Variants in DNMT1 observed in about 807,000 individuals in gnomAD.
The protein encoded by DNMT1 is DNA (cytosine-5)-methyltransferase 1.
In DNMT1, 24 loss-of-function variants were observed where a neutral mutation model predicts 205.3. That is an observed-to-expected ratio of 0.12 (90% CI 0.08 to 0.16). The LOEUF (loss-of-function observed/expected upper bound fraction) is 0.16, where lower values mean the gene tolerates loss of function less well. DNMT1 is among the 10% of genes least tolerant of loss of function. DNMT1 has a pLI of 1.00. For synonymous variants in DNMT1, 817 were observed against 839.8 expected (o/e 0.97, Z 0.47); for missense variants, 1,293 against 2,177.7 (o/e 0.59, Z 8.09).
At chr19:10,165,764 A>G (rs2038677974) in intron 11 of DNMT1, among the ~76,000 whole-genome samples, 1 of 152,152 alleles carries the variant, frequency 6.6e-6, no homozygotes, top group Admixed American at 6.5e-5. Flanking sequence ...TTTCCAATAG[A>G]GGGCAGGGAG....
rs940810833 is a variant in DNMT1 at position 10,156,575 on chromosome 19, A to G, written c.1281-66T>C. 3.4e-6 allele frequency: 4 copies of G among 1,164,676 alleles called. No homozygotes were observed. The highest frequency in any genetic ancestry group is 2.4e-5 in the East Asian group (1 of 42,532). 72.1% of individuals were successfully genotyped at this position (1,164,676 alleles called of 1,614,324 possible). Reference sequence around the variant, plus strand: ...GAAGGCGGGTCTTCGTGCAGACTTCAGATCAGGCACGAGGCAATGAGAGAA... The same window carrying G: ...GAAGGCGGGTCTTCGTGCAGACTTCGGATCAGGCACGAGGCAATGAGAGAA... On this transcript the variant is annotated intron_variant, in intron 17 of 40. Coordinates refer to ENST00000359526, the MANE Select transcript of DNMT1 (RefSeq NM_001130823.3). The surrounding 1 kb of genome is among the most constrained non-coding windows in gnomAD (Gnocchi z 4.2).
chr19:10,175,084 T>TACACAC (rs201133845), intron 7 of DNMT1, among the ~76,000 whole-genome samples: 232 of 113,922 alleles, frequency 2.0e-3, no homozygotes, highest in African/African-American at 5.5e-3. Context: ...CATACATACA[T>TACACAC]ACACACACAC....
chr19:10,152,910 G>A (rs2038379090), intron 22 of DNMT1, among the ~76,000 whole-genome samples: 3 of 148,532 alleles, frequency 2.0e-5, no homozygotes, highest in Non-Finnish European at 4.4e-5. Context: ...GACCAGGCAA[G>A]GCAACACAGC....
Position 10,133,637 on chromosome 19 carries a change from G to A in DNMT1, c.*30C>T, listed in dbSNP as rs900322306. On this transcript the variant is annotated 3_prime_UTR_variant, in exon 41 of 41. Transcript: ENST00000359526. This position sits in a 1 kb window ranked among gnomAD's most constrained non-coding sequence, Gnocchi z 4.1. Reference sequence around the variant, plus strand: ...TCAGTGCATGTTGGGGATTCCTGGTGCCAGAAACAGGGGTGACGGGAGGGC... The same window carrying A: ...TCAGTGCATGTTGGGGATTCCTGGTACCAGAAACAGGGGTGACGGGAGGGC... The A allele has an allele frequency of 6.3e-7, 1 of 1,592,614 alleles. No individual in the cohort carries two copies. The highest frequency in any genetic ancestry group is 8.6e-7 in the Non-Finnish European group (1 of 1,168,452).
At chr19:10,161,630 T>G (rs1439275457) in intron 13 of DNMT1, among the ~76,000 whole-genome samples, 1 of 152,022 alleles carries the variant, frequency 6.6e-6, no homozygotes, top group Admixed American at 6.6e-5. Flanking sequence ...TCGACAAGAG[T>G]GAGACCCTGT....
chr19:10,141,202 G>A lies in DNMT1; in HGVS notation c.3310-13C>T, dbSNP rs775100302. ...TTGCATTATAGGCCTGAAAAGGAGA[G>A]AACTGCAATCGTTTGGGAGAGAAAC... On this transcript the variant is annotated splice_polypyrimidine_tract_variant and intron_variant, in intron 30 of 40. Transcript: ENST00000359526. 1.2e-6 allele frequency: 2 copies of A among 1,613,588 alleles called. No homozygotes were observed. Among genetic ancestry groups the A allele is most frequent in the Non-Finnish European group, 1.7e-6 (2 of 1,179,756 alleles).
intron 9 of DNMT1, among the ~76,000 whole-genome samples, chr19:10,170,726 C>T (rs929789371): frequency 2.6e-5 from 4 of 152,170 alleles, no homozygotes; most frequent in African/African-American, 9.7e-5. Flanking sequence ...AAGTAAGGCA[C>T]TCGTCACCTA....
chr19:10,154,867 G>T lies in DNMT1; in HGVS notation c.1644+38C>A, dbSNP rs200288095. 5.0e-6 allele frequency: 8 copies of T among 1,614,234 alleles called. No individual in the cohort carries two copies. Among genetic ancestry groups the T allele is most frequent in the Non-Finnish European group, 5.9e-6 (7 of 1,180,052 alleles). On this transcript the variant is annotated intron_variant, in intron 20 of 40. Transcript: ENST00000359526. This position sits in a 1 kb window ranked among gnomAD's most constrained non-coding sequence, Gnocchi z 6.3. ...TGCTGGTTCTGAAGGCAAGTTTCCA[G>T]TGGGAATCCCGGATGCTGAGGACCC...
chr19:10,189,756 T>C (rs144550107), intron 1 of DNMT1, among the ~76,000 whole-genome samples: 37 of 152,150 alleles, frequency 2.4e-4, no homozygotes, highest in African/African-American at 8.4e-4. Context: ...GAAACCAAAA[T>C]GTGTGTGTGA....
chr19:10,177,552 A>G (rs1052632664), intron 5 of DNMT1, among the ~76,000 whole-genome samples, 185 bp from the exon 6 acceptor site: 4 of 152,174 alleles, frequency 2.6e-5, no homozygotes, highest in Non-Finnish European at 5.9e-5. Flanking sequence ...AGCACCTGCC[A>G]GTTTGTTGAG....
At position 10,151,517 on chromosome 19, in the gene DNMT1, C is replaced by T; in HGVS notation, c.2146G>A (p.Asp716Asn). The T allele has an allele frequency of 6.2e-7, 1 of 1,614,054 alleles. No individual in the cohort carries two copies. The highest frequency in any genetic ancestry group is 8.5e-7 in the Non-Finnish European group (1 of 1,180,038). ...TTATCATCGACTTCCTCATCGTCAT[C>T]TGCCTCCTTCATGGCCATATTGGGA... ...RCPNMAMKEA[D>N]DDEEVDDNIP... Residue 716 changes from aspartate to asparagine, a missense_variant, in exon 24 of 41, where the codon GAT becomes AAT. Coordinates refer to ENST00000359526, the MANE Select transcript of DNMT1 (RefSeq NM_001130823.3). This position sits in a 1 kb window ranked among gnomAD's most constrained non-coding sequence, Gnocchi z 5.0.
intron 1 of DNMT1, among the ~76,000 whole-genome samples, chr19:10,183,125 A>ATATACGTGTGTGTATATATATATTT (rs767124770): frequency 4.9e-4 from 57 of 117,462 alleles, no homozygotes; most frequent in African/African-American, 1.9e-3. Flanking sequence ...ATATATATAT[A>ATATACGTGTGTGTATATATATATTT]TTTTTTTTTT....
In DNMT1 at chr19:10,159,920, G is replaced by C. The variant is rs1269449523; in HGVS notation, c.1092C>G (p.Thr364=). Residue 364 remains threonine (T), a splice_region_variant and synonymous_variant, in exon 16 of 41, where the codon ACC becomes ACG. Coordinates refer to ENST00000359526, the MANE Select transcript of DNMT1 (RefSeq NM_001130823.3). The surrounding 1 kb of genome is among the most constrained non-coding windows in gnomAD (Gnocchi z 5.0). ...CGCACTGAATGCACTTGGGAGGGTG[G>C]GTCTGTGGGAGCAGGAACACAGATG... is the stretch of plus-strand genomic sequence containing the variant. The part of the protein sequence containing the change: ...ARAKTVMNSK[T]HPPKCIQCGQ... 1.2e-6 allele frequency: 2 copies of C among 1,614,088 alleles called. No homozygotes were observed. The highest frequency in any genetic ancestry group is 2.2e-5 in the East Asian group (1 of 44,892).
At chr19:10,141,658 G>A in intron 30 of DNMT1, 1 of 333,042 alleles carries the variant, frequency 3.0e-6, no homozygotes, top group Non-Finnish European at 5.6e-6. Flanking sequence ...CCTGGCCCAA[G>A]GGACCCAGGA....
At chr19:10,189,603 T>TG (rs572078678) in intron 1 of DNMT1, among the ~76,000 whole-genome samples, 176 of 150,008 alleles carry the variant, frequency 1.2e-3, no homozygotes, top group African/African-American at 2.6e-3. Flanking sequence ...TTTTTTGAGA[T>TG]GGGGGGGGTC....
In DNMT1 at chr19:10,137,838, G is replaced by C; in HGVS notation, c.4287C>G (p.Ile1429Met). 1 of 1,613,242 alleles carries C rather than the reference G, an allele frequency of 6.2e-7. No homozygotes were observed. The highest frequency in any genetic ancestry group is 8.5e-7 in the Non-Finnish European group (1 of 1,179,862). ...AQYQPILRDH[I>M]CKDMSALVAA... ...TCTGTCAGGGTGCCATTACCTTACA[G>C]ATGTGGTCCCTGAGGATGGGCTGGT... is the stretch of plus-strand genomic sequence containing the variant. The change falls in exon 36 of 41, where the codon ATC becomes ATG. Residue 1429 changes from isoleucine to methionine, a missense_variant. Physicochemically the swap from Ile to Met is conservative, Grantham distance 10. Transcript: ENST00000359526. The surrounding 1 kb of genome is among the most constrained non-coding windows in gnomAD (Gnocchi z 6.4).
chr19:10,181,079 A>G (rs578094613), intron 2 of DNMT1, among the ~76,000 whole-genome samples, 194 bp from the exon 3 acceptor site: 13 of 152,180 alleles, frequency 8.5e-5, no homozygotes, highest in Non-Finnish European at 1.8e-4. Context: ...TCCTGTCTCC[A>G]AAGTGGTGAA....
Position 10,146,256 on chromosome 19 carries a change from G to A in DNMT1, c.2894+95C>T, listed in dbSNP as rs2038197889. ...CGGCTAGGACAACAGCTGGTGCGGA[G>A]GGATTGGCAATGTCTGTAAGGAGGG... On this transcript the variant is annotated intron_variant, in intron 28 of 40. Coordinates refer to ENST00000359526, the MANE Select transcript of DNMT1 (RefSeq NM_001130823.3). The surrounding 1 kb of genome is among the most constrained non-coding windows in gnomAD (Gnocchi z 4.4). 26 of 1,462,120 alleles carry A rather than the reference G, an allele frequency of 1.8e-5. No homozygotes were observed. The highest frequency in any genetic ancestry group is 2.4e-5 in the Non-Finnish European group (26 of 1,066,294). 90.6% of individuals were successfully genotyped at this position (1,462,120 alleles called of 1,614,324 possible).
At chr19:10,183,598 G>T (rs563778663) in intron 1 of DNMT1, among the ~76,000 whole-genome samples, 1 of 152,248 alleles carries the variant, frequency 6.6e-6, no homozygotes, top group South Asian at 2.1e-4. Context: ...GCTGATGCCT[G>T]GAATCCCAAC....
Sources: allele counts gnomAD v4.1 joint callset (sites outside exome capture counted in the v4.1 genomes callset), GRCh38; gene constraint gnomAD v4.1.1; non-coding constraint Gnocchi (gnomAD v3.1); transcripts MANE v1.5; gene names NCBI Gene and HGNC (gene_info 2026-07-23, HGNC 2026-07-21).